The following LYRM4 variants were observed in gnomAD, a reference collection of about 807,000 sequenced individuals.
LYRM4 encodes LYR motif containing 4.
A neutral mutation model predicts 11.7 loss-of-function variants in LYRM4; 9 were observed. The observed-to-expected ratio is 0.77, with a 90% CI of 0.46 to 1.34. The LOEUF is 1.34. Among genes scored for constraint, LYRM4 ranks in the 40% most tolerant of loss-of-function variants. The pLI, the probability that LYRM4 is intolerant of heterozygous loss-of-function variation, is 0.00. For missense variants in LYRM4, 133 were observed against 112.5 expected (o/e 1.18, Z -0.82); for synonymous variants, 42 against 40.4 (o/e 1.04, Z -0.15).
chr6:5,109,614 G>C (rs1409141174), intron 2 of LYRM4, 123 bp from the exon 3 acceptor site: 5 of 951,402 alleles, frequency 5.3e-6, no homozygotes, highest in African/African-American at 1.6e-5. Context: ...GCTCCCTTCC[G>C]GCAACTGCAC....
At chr6:5,244,888 C>T (rs1158928538) in intron 1 of LYRM4, among the ~76,000 whole-genome samples, 1 of 150,854 alleles carries the variant, frequency 6.6e-6, no homozygotes, top group Non-Finnish European at 1.5e-5. Context: ...TTCTGAGAAG[C>T]GGATGGCATC....
At chr6:5,090,228 G>C in the LYRM4 span, among the ~76,000 whole-genome samples, 1 of 152,182 alleles carries the variant, frequency 6.6e-6, no homozygotes, top group Non-Finnish European at 1.5e-5. The surrounding 1 kb of genome is among the most constrained non-coding windows in gnomAD (Gnocchi z 4.8). Flanking sequence ...ACCAGAGAGG[G>C]AGTCTAGTTT....
chr6:5,082,911 G>A, the LYRM4 span, among the ~76,000 whole-genome samples: 293 of 76,622 alleles, frequency 3.8e-3, 2 homozygotes, highest in East Asian at 0.045. Context: ...CTTCCTTGCA[G>A]TCCGAGCTGT....
At chr6:5,185,610 CAGG>C (rs1447852419) in intron 2 of LYRM4, among the ~76,000 whole-genome samples, 1 of 152,066 alleles carries the variant, frequency 6.6e-6, no homozygotes, top group Non-Finnish European at 1.5e-5. Flanking sequence ...CCCCACAGTC[CAGG>C]AGGAGAGACA....
chr6:5,115,604 T>G (rs1179699858), intron 2 of LYRM4, among the ~76,000 whole-genome samples: 2 of 152,016 alleles, frequency 1.3e-5, no homozygotes, highest in Admixed American at 1.3e-4. Context: ...CATGTAGCTG[T>G]GAGGTGGGAT....
chr6:5,139,972 G>C (rs1028871563), intron 2 of LYRM4, among the ~76,000 whole-genome samples: 1 of 150,962 alleles, frequency 6.6e-6, no homozygotes, highest in Non-Finnish European at 1.5e-5. Context: ...CAAGCAGCTG[G>C]GACAAGCACA....
At chr6:5,040,597 G>C in the LYRM4 span, among the ~76,000 whole-genome samples, 1 of 151,796 alleles carries the variant, frequency 6.6e-6, no homozygotes, top group Non-Finnish European at 1.5e-5. Flanking sequence ...AGTGACTATA[G>C]AAAACAATAA....
chr6:5,154,991 A>G (rs1306870907), intron 2 of LYRM4, among the ~76,000 whole-genome samples: 1 of 152,196 alleles, frequency 6.6e-6, no homozygotes, highest in East Asian at 1.9e-4. Flanking sequence ...GATGGGATGC[A>G]TAGACGGAGC....
At chr6:5,122,005 ACTC>A (rs1369247015) in intron 2 of LYRM4, among the ~76,000 whole-genome samples, 2 of 151,484 alleles carry the variant, frequency 1.3e-5, no homozygotes, top group African/African-American at 2.4e-5. Flanking sequence ...TTGTTATTTT[ACTC>A]CTCCAGGGAC....
intron 2 of LYRM4, among the ~76,000 whole-genome samples, chr6:5,183,081 C>T (rs1018234098): frequency 6.6e-6 from 1 of 152,186 alleles, no homozygotes; most frequent in Non-Finnish European, 1.5e-5. Context: ...ACTTTCCTCT[C>T]TCCAGGGTTT....
intron 2 of LYRM4, among the ~76,000 whole-genome samples, chr6:5,191,941 A>T (rs1760778438): frequency 6.6e-6 from 1 of 152,204 alleles, no homozygotes; most frequent in Admixed American, 6.5e-5. Context: ...ACCTTAGAGA[A>T]ACAATCCGAC....
intron 2 of LYRM4, among the ~76,000 whole-genome samples, chr6:5,175,909 C>T (rs1393569914): frequency 6.6e-6 from 1 of 152,132 alleles, no homozygotes; most frequent in Non-Finnish European, 1.5e-5. Context: ...CTGGCCTAGG[C>T]ACCAGACCTG....
intron 1 of LYRM4, 113 bp downstream of exon 1, chr6:5,260,535 C>A: frequency 7.1e-7 from 1 of 1,413,932 alleles, no homozygotes; most frequent in Non-Finnish European, 9.5e-7. Context: ...TGCCTCGCAG[C>A]CGCCGGCAAA....
chr6:5,148,662 CCTCTCTCT>C (rs61670380), intron 2 of LYRM4, among the ~76,000 whole-genome samples: 10 of 150,624 alleles, frequency 6.6e-5, no homozygotes, highest in Admixed American at 2.0e-4. Context: ...CACACACACA[CCTCTCTCT>C]CTCTCTCTCT....
rs70974180 is a variant in LYRM4 at position 5,229,003 on chromosome 6, C to CAAAAAAAAAAAAA, written c.87-12278_87-12266dup. Among the ~76,000 whole-genome samples, 4 of 37,980 alleles carry CAAAAAAAAAAAAA rather than the reference C, an allele frequency of 1.1e-4. 1 individual carries two copies. The highest frequency in any genetic ancestry group is 4.5e-4 in the African/African-American group (4 of 8,872). The allele number at this position is 37,980 out of a possible 152,430, so 24.9% of individuals were successfully genotyped here. On this transcript the variant is annotated intron_variant, in intron 1 of 2. Coordinates refer to ENST00000330636, the MANE Select transcript of LYRM4 (RefSeq NM_020408.6). The stretch of plus-strand genomic sequence containing the variant: ...TGGGCGACGGAGCGAGGCTCAGTCT[C>CAAAAAAAAAAAAA]AAAAAAAAAAAAAAAAAAAAAAAGA...
intron 2 of LYRM4, among the ~76,000 whole-genome samples, chr6:5,135,538 TG>T (rs1757047712): frequency 1.6e-5 from 2 of 125,380 alleles, no homozygotes; most frequent in Admixed American, 1.6e-4. Flanking sequence ...GGATCGCTCC[TG>T]GGGCTGTGGA....
intron 2 of LYRM4, among the ~76,000 whole-genome samples, chr6:5,191,772 A>C (rs1760768517): frequency 6.6e-6 from 1 of 152,242 alleles, no homozygotes; most frequent in African/African-American, 2.4e-5. Context: ...GTATGTTTAC[A>C]GTGTAAACAT....
chr6:5,190,627 C>T (rs1013036812), intron 2 of LYRM4, among the ~76,000 whole-genome samples: 3 of 151,950 alleles, frequency 2.0e-5, no homozygotes, highest in Non-Finnish European at 4.4e-5. Context: ...TGACAGCAGT[C>T]CCATGAAATT....
rs1744225509 is a variant in LYRM4, at chr6:5,260,705, A to C, written c.29T>G (p.Leu10Ter). 1.3e-6 allele frequency: 2 copies of C among 1,553,694 alleles called. No individual in the cohort carries two copies. The highest frequency in any genetic ancestry group is 2.4e-5 in the South Asian group (2 of 84,706). MAASSRAQVLSLYRAMLRES... is the reference protein window; with the variant it reads MAASSRAQV ...TCTCAGCATCGCCCGGTACAGAGAT[A>C]ACACTTGTGCGCGACTGGAGGCTGC... The change falls in exon 1 of 3, where the codon TTA (leucine) becomes TGA (stop). Residue 10 changes from leucine to a stop codon, truncating the protein, a stop_gained. Transcript: ENST00000330636. LOFTEE classifies it high-confidence loss of function.
Sources: gnomAD v4.1 joint callset for allele counts (sites outside exome capture counted in the v4.1 genomes callset) on GRCh38, gnomAD v4.1.1 for gene constraint, Gnocchi (gnomAD v3.1) non-coding constraint, MANE v1.5 for transcripts, NCBI Gene and HGNC (gene_info 2026-07-23, HGNC 2026-07-21) for gene names.